Variants in PLD5 observed in about 807,000 individuals in gnomAD.
PLD5 encodes the protein inactive phospholipase D5.
PLD5 carries 36 observed loss-of-function variants against 61.1 expected under a neutral mutation model. That is an observed-to-expected ratio of 0.59 (90% CI 0.45 to 0.78). The LOEUF (loss-of-function observed/expected upper bound fraction) is 0.78, where lower values mean the gene tolerates loss of function less well. PLD5 is among the 30% of genes least tolerant of loss of function. The pLI is 0.00. For synonymous variants in PLD5, 243 were observed against 242.8 expected (o/e 1.00, Z -0.01); for missense variants, 515 against 644.4 (o/e 0.80, Z 2.17).
intron 1 of PLD5, among the ~76,000 whole-genome samples, chr1:242,362,028 T>C (rs185848972): frequency 0.028 from 4,234 of 151,882 alleles, 145 homozygotes; most frequent in East Asian, 0.14. Context: ...AATTTACCTT[T>C]AGGAAACTAT....
At chr1:242,205,188 A>G (rs1268635744) in intron 5 of PLD5, among the ~76,000 whole-genome samples, 1 of 152,226 alleles carries the variant, frequency 6.6e-6, no homozygotes, top group Non-Finnish European at 1.5e-5. Context: ...TCAGAAGTAA[A>G]TAAGTTTCAC....
intron 1 of PLD5, among the ~76,000 whole-genome samples, chr1:242,436,714 ATTTGC>A (rs1666013742): frequency 6.6e-6 from 1 of 152,174 alleles, no homozygotes; most frequent in Non-Finnish European, 1.5e-5. Flanking sequence ...CTCATGTGCC[ATTTGC>A]TTTAAGTTCT....
chr1:242,367,653 C>T (rs766307521), intron 1 of PLD5, among the ~76,000 whole-genome samples: 2 of 152,076 alleles, frequency 1.3e-5, no homozygotes, highest in Admixed American at 6.6e-5. Context: ...AATAGGAATA[C>T]GCAAACATAG....
At chr1:242,515,640 T>C (rs926225295) in intron 1 of PLD5, among the ~76,000 whole-genome samples, 1 of 152,238 alleles carries the variant, frequency 6.6e-6, no homozygotes, top group Non-Finnish European at 1.5e-5. Context: ...ATAAAATCTC[T>C]TTTCAATGCT....
chr1:242,378,283 C>T (rs1009896096), intron 1 of PLD5, among the ~76,000 whole-genome samples: 1 of 152,160 alleles, frequency 6.6e-6, no homozygotes, highest in African/African-American at 2.4e-5. Flanking sequence ...ATGATTTCCA[C>T]TTACACGAGG....
intron 1 of PLD5, among the ~76,000 whole-genome samples, chr1:242,509,631 T>C (rs183074767): frequency 2.6e-5 from 4 of 152,318 alleles, no homozygotes; most frequent in Admixed American, 6.5e-5. Context: ...ATAAACCACC[T>C]TCAACAAAGC....
At chr1:242,513,481 C>A (rs752889538) in intron 1 of PLD5, among the ~76,000 whole-genome samples, 2 of 152,118 alleles carry the variant, frequency 1.3e-5, no homozygotes, top group Non-Finnish European at 2.9e-5. Flanking sequence ...AATATGCTGT[C>A]CATGGTGTTA....
intron 2 of PLD5, among the ~76,000 whole-genome samples, chr1:242,338,402 T>G (rs911684142): frequency 2.0e-5 from 3 of 151,978 alleles, no homozygotes; most frequent in African/African-American, 7.3e-5. Context: ...ATACTTTCTG[T>G]TTTCAACACT....
At chr1:242,490,320 T>A (rs1300740474) in intron 1 of PLD5, among the ~76,000 whole-genome samples, 1 of 152,238 alleles carries the variant, frequency 6.6e-6, no homozygotes, top group Admixed American at 6.5e-5. Context: ...AGCAAGCTGT[T>A]TCATGGCTCT....
intron 1 of PLD5, among the ~76,000 whole-genome samples, chr1:242,503,231 T>C (rs1668614166): frequency 6.6e-6 from 1 of 152,174 alleles, no homozygotes; most frequent in African/African-American, 2.4e-5. Context: ...AGATCCTTCA[T>C]GAATGGCTCA....
chr1:242,335,848 G>T (rs1659470867), intron 2 of PLD5, among the ~76,000 whole-genome samples: 1 of 152,080 alleles, frequency 6.6e-6, no homozygotes, highest in South Asian at 2.1e-4. Flanking sequence ...TTTCTAATAT[G>T]ATGAAAAAGA....
intron 5 of PLD5, among the ~76,000 whole-genome samples, chr1:242,218,597 CTTGA>C (rs1670367737): frequency 6.6e-6 from 1 of 152,100 alleles, no homozygotes; most frequent in African/African-American, 2.4e-5. Context: ...TAAAAAGTTT[CTTGA>C]TTAATTGCAT....
chr1:242,272,017 G>A (rs1200695438), intron 3 of PLD5, among the ~76,000 whole-genome samples: 1 of 151,920 alleles, frequency 6.6e-6, no homozygotes, highest in African/African-American at 2.4e-5. Context: ...ATCATGGGAG[G>A]CAGTATTAAG....
intron 1 of PLD5, among the ~76,000 whole-genome samples, chr1:242,508,892 C>T (rs1668814508): frequency 6.6e-6 from 1 of 152,206 alleles, no homozygotes; most frequent in East Asian, 1.9e-4. Flanking sequence ...GTCAGCCTGG[C>T]CAACGTGGGA....
chr1:242,246,684 T>C (rs1672384914), intron 4 of PLD5, among the ~76,000 whole-genome samples: 2 of 152,206 alleles, frequency 1.3e-5, no homozygotes, highest in South Asian at 4.1e-4. Context: ...ATCTAAAGAT[T>C]TTCCCCTTGT....
chr1:242,197,792 G>T (rs184067140), intron 5 of PLD5, among the ~76,000 whole-genome samples: 156 of 152,082 alleles, frequency 1.0e-3, no homozygotes, highest in African/African-American at 2.4e-3. Context: ...CTGCCATTAT[G>T]CCCGGCTAAT....
chr1:242,098,844 G>A (rs984579008), intron 9 of PLD5, among the ~76,000 whole-genome samples: 10 of 152,140 alleles, frequency 6.6e-5, no homozygotes, highest in Admixed American at 3.3e-4. Flanking sequence ...TGTTTGCCTG[G>A]GTATCAGCAG....
intron 9 of PLD5, among the ~76,000 whole-genome samples, chr1:242,096,850 C>A (rs891196079): frequency 3.3e-5 from 5 of 152,038 alleles, no homozygotes; most frequent in African/African-American, 1.2e-4. Context: ...CCCATTAACT[C>A]ATCATTTAAC....
Position 242,083,622 on chromosome 1 carries a change from G to C in PLD5, c.*6232C>G, listed in dbSNP as rs1226251623. ...GTACCATAACTTTGCTGAAAATATG[G>C]TGTTGCCTTCTTGTTATTACATTTT... is the stretch of plus-strand genomic sequence containing the variant. On this transcript the variant is annotated 3_prime_UTR_variant, in exon 10 of 10. Coordinates refer to ENST00000536534, the MANE Select transcript of PLD5 (RefSeq NM_001372062.1). The C allele has an allele frequency of 6.6e-6, 1 of 152,130 alleles. No homozygotes were observed. The highest frequency in any genetic ancestry group is 1.9e-4 in the East Asian group (1 of 5,196). 9.4% of individuals were successfully genotyped at this position (152,130 alleles called of 1,614,324 possible).
Sources: allele counts gnomAD v4.1 joint callset (sites outside exome capture counted in the v4.1 genomes callset), GRCh38; gene constraint gnomAD v4.1.1; transcripts MANE v1.5; gene names NCBI Gene and HGNC (gene_info 2026-07-23, HGNC 2026-07-21).